The following DDX6 variants were observed in gnomAD, a reference collection of about 807,000 sequenced individuals.
The protein encoded by DDX6 is DEAD-box helicase 6, also known as probable ATP-dependent RNA helicase DDX6.
DDX6 carries 7 observed loss-of-function variants against 60.6 expected under a neutral mutation model. The ratio of observed to expected loss-of-function variants is 0.12; its 90% CI spans 0.07 to 0.22. The LOEUF is 0.22. DDX6 is among the 10% of genes least tolerant of loss of function. DDX6 has a pLI of 1.00. For synonymous variants in DDX6, 207 were observed against 201.0 expected (o/e 1.03, Z -0.25); for missense variants, 270 against 589.9 (o/e 0.46, Z 5.62).
At chr11:118,757,338 GGTTT>G in intron 9 of DDX6, 51 bp from the exon 10 acceptor site, 2 of 1,065,466 alleles carry the variant, frequency 1.9e-6, no homozygotes, top group Non-Finnish European at 2.6e-6. Flanking sequence ...ACCTTCATTT[GGTTT>G]GCCAAATCTT....
intron 4 of DDX6, among the ~76,000 whole-genome samples, chr11:118,775,289 C>A (rs1372025481): frequency 6.6e-6 from 1 of 152,176 alleles, no homozygotes; most frequent in African/African-American, 2.4e-5. Flanking sequence ...GCACTCCAGC[C>A]TGAGCGACAG....
chr11:118,782,410 T>TA (rs782394238), intron 2 of DDX6, among the ~76,000 whole-genome samples: 212 of 139,524 alleles, frequency 1.5e-3, no homozygotes, highest in South Asian at 2.7e-3. Flanking sequence ...AAAGCATCTT[T>TA]AAAAAAAAAA....
chr11:118,785,404 TA>T (rs1194899457), intron 2 of DDX6, among the ~76,000 whole-genome samples: 1 of 151,594 alleles, frequency 6.6e-6, no homozygotes, highest in African/African-American at 2.4e-5. Context: ...AGAGTCTCAT[TA>T]TGTTGCCTAG....
At chr11:118,790,948 T>C (rs1862256823) in intron 1 of DDX6, 150 bp downstream of exon 1, 1 of 152,724 alleles carries the variant, frequency 6.5e-6, no homozygotes, top group Non-Finnish European at 1.5e-5. Context: ...GCTCCCAAAA[T>C]GGCGGACGCT....
chr11:118,777,664 C>T (rs56043232), intron 4 of DDX6, among the ~76,000 whole-genome samples: 25,825 of 151,896 alleles, frequency 0.17, 2,464 homozygotes, highest in South Asian at 0.29. Context: ...CCAAAGTGGG[C>T]GATCATTTGA....
chr11:118,754,554 A>T (rs1448495515), intron 13 of DDX6, 151 bp downstream of exon 13: 3 of 642,884 alleles, frequency 4.7e-6, no homozygotes, highest in Non-Finnish European at 7.6e-6. Flanking sequence ...ACAACCTCCC[A>T]CAAGAGATAT....
Position 118,777,715 on chromosome 11 carries a change from C to G in DDX6, c.369+1917G>C, listed in dbSNP as rs367909237. 1.4e-4 allele frequency among the ~76,000 whole-genome samples: 22 copies of G among 151,956 alleles called. No homozygotes were observed. In the South Asian group the frequency reaches 4.6e-3, roughly 32 times the overall value. ...ACCAGCCTGGTCTACAGGGTGAAAC[C>G]CTGTCTCTACTAAAAATGCAAAAAT... On this transcript the variant is annotated intron_variant, in intron 4 of 13. Transcript: ENST00000534980.
At position 118,754,706 on chromosome 11, in the gene DDX6, T is replaced by C. The variant is rs782449121; in HGVS notation, c.*6A>G. On this transcript the variant is annotated splice_region_variant and 3_prime_UTR_variant, in exon 13 of 14. Coordinates refer to ENST00000534980, the MANE Select transcript of DDX6 (RefSeq NM_004397.6). Reference sequence around the variant, plus strand: ...TTAGCTGTTCTGTCAGGGACGTACATGCTTGTTAAGGTTTCTCATCTTCTA... The same window carrying C: ...TTAGCTGTTCTGTCAGGGACGTACACGCTTGTTAAGGTTTCTCATCTTCTA... 1.1e-5 allele frequency: 18 copies of C among 1,602,438 alleles called. No individual in the cohort carries two copies. The highest frequency in any genetic ancestry group is 1.5e-5 in the Non-Finnish European group (18 of 1,176,794).
chr11:118,779,248 G>A (rs1290031349), intron 4 of DDX6, among the ~76,000 whole-genome samples: 7 of 151,822 alleles, frequency 4.6e-5, no homozygotes, highest in Non-Finnish European at 1.0e-4. Flanking sequence ...AAACACTAGG[G>A]AAACGCTAAT....
chr11:118,765,372 G>A lies in DDX6; in HGVS notation c.500-17C>T. ...TCACCATTGCTGAAACAGTATCAAG[G>A]AATATATAAGAAAATATGGGGTGAG... On this transcript the variant is annotated splice_polypyrimidine_tract_variant and intron_variant, in intron 5 of 13. Transcript: ENST00000534980. 1 of 1,613,100 alleles carries A rather than the reference G, an allele frequency of 6.2e-7. No individual in the cohort carries two copies. Among genetic ancestry groups the A allele is most frequent in the Non-Finnish European group, 8.5e-7 (1 of 1,179,216 alleles).
At chr11:118,763,352 A>G in intron 6 of DDX6, 46 bp from the exon 7 acceptor site, 2 of 1,407,796 alleles carry the variant, frequency 1.4e-6, no homozygotes, top group Non-Finnish European at 1.0e-6. Context: ...TTTTAATTTG[A>G]GCAAAGAGGA....
intron 9 of DDX6, among the ~76,000 whole-genome samples, chr11:118,758,070 T>G (rs1015417669): frequency 3.3e-5 from 5 of 152,200 alleles, no homozygotes; most frequent in African/African-American, 1.2e-4. Flanking sequence ...CAGAGATTGC[T>G]TTCTTCGACC....
chr11:118,791,179 TCGCCCGTTCGCC>T (rs1457388904), upstream of DDX6: 7 of 151,388 alleles, frequency 4.6e-5, no homozygotes, highest in Non-Finnish European at 1.0e-4. Context: ...CCTCCCTCGC[TCGCCCGTTCGCC>T]CGCCCGCCGC....
At chr11:118,752,329 A>G (rs1555157636) in intron 13 of DDX6, among the ~76,000 whole-genome samples, 2 of 152,238 alleles carry the variant, frequency 1.3e-5, no homozygotes, top group South Asian at 4.1e-4. Context: ...CTCACTCGTA[A>G]CAAATCCGGG....
At chr11:118,784,756 C>CTT (rs779425136) in intron 2 of DDX6, among the ~76,000 whole-genome samples, 4 of 135,024 alleles carry the variant, frequency 3.0e-5, no homozygotes, top group Non-Finnish European at 3.2e-5. Context: ...CGCACCTGGC[C>CTT]TTTTTTTTTT....
chr11:118,781,209 A>T, intron 2 of DDX6, 25 bp from the exon 3 acceptor site: 1 of 1,484,842 alleles, frequency 6.7e-7, no homozygotes, highest in Non-Finnish European at 9.3e-7. Context: ...GTAAACTTGA[A>T]GTATCAAAAT....
Position 118,756,201 on chromosome 11 carries a change from G to A in DDX6, c.1174+59C>T. The A allele has an allele frequency of 3.5e-6, 5 of 1,427,936 alleles. No homozygotes were observed. The South Asian group carries it at 5.8e-5, about 17-fold the overall frequency. 88.5% of individuals were successfully genotyped at this position (1,427,936 alleles called of 1,614,324 possible). On this transcript the variant is annotated intron_variant, in intron 11 of 13. Transcript: ENST00000534980. The stretch of plus-strand genomic sequence containing the variant: ...GGTTGCACTATGTAATATGAACAGA[G>A]AAAGCAAAAAACAACTTGGGAGAAA...
intron 4 of DDX6, among the ~76,000 whole-genome samples, chr11:118,776,933 C>T (rs896990753): frequency 5.3e-5 from 8 of 151,842 alleles, no homozygotes; most frequent in Non-Finnish European, 7.4e-5. Context: ...AATACCTACA[C>T]CCAAATTACC....
At chr11:118,774,335 C>T (rs576683722) in intron 4 of DDX6, among the ~76,000 whole-genome samples, 1 of 152,246 alleles carries the variant, frequency 6.6e-6, no homozygotes, top group South Asian at 2.1e-4. Context: ...AGCATCCAGA[C>T]CTAGAACTGG....
Sources: allele counts gnomAD v4.1 joint callset (sites outside exome capture counted in the v4.1 genomes callset), GRCh38; gene constraint gnomAD v4.1.1; transcripts MANE v1.5; gene names NCBI Gene and HGNC (gene_info 2026-07-23, HGNC 2026-07-21).